Variants in NKAIN3 observed in about 807,000 individuals in gnomAD.
NKAIN3 encodes the protein sodium/potassium transporting ATPase interacting 3.
NKAIN3 carries 25 observed loss-of-function variants against 30.2 expected under a neutral mutation model. That is an observed-to-expected ratio of 0.83 (90% CI 0.60 to 1.16). The LOEUF (loss-of-function observed/expected upper bound fraction) is 1.16, where lower values mean the gene tolerates loss of function less well. Among genes scored for constraint, NKAIN3 ranks in the 50% most tolerant of loss-of-function variants. The pLI is 0.00. For missense variants in NKAIN3, 225 were observed against 254.1 expected (o/e 0.89, Z 0.78); for synonymous variants, 91 against 89.6 (o/e 1.02, Z -0.09).
At chr8:62,989,743 T>C (rs757394460), downstream of NKAIN3, among the ~76,000 whole-genome samples, 7 of 152,312 alleles carry the variant, frequency 4.6e-5, no homozygotes, top group East Asian at 3.9e-4. Context: ...TTATTGAACA[T>C]TTACTCTGTG....
intron 4 of NKAIN3, among the ~76,000 whole-genome samples, chr8:62,778,224 A>G (rs1817248780): frequency 6.6e-6 from 1 of 152,096 alleles, no homozygotes; most frequent in Admixed American, 6.5e-5. Flanking sequence ...AGTTCTCTTA[A>G]GGCACTAGAC....
intron 1 of NKAIN3, among the ~76,000 whole-genome samples, chr8:62,375,992 G>A (rs1242425816): frequency 6.6e-6 from 1 of 152,138 alleles, no homozygotes; most frequent in African/African-American, 2.4e-5. Flanking sequence ...TAGGTGCTGG[G>A]AAGACAAAGA....
intron 1 of NKAIN3, among the ~76,000 whole-genome samples, chr8:62,575,802 A>G (rs565418953): frequency 6.6e-6 from 1 of 152,294 alleles, no homozygotes; most frequent in African/African-American, 2.4e-5. Flanking sequence ...GAATCCAGAA[A>G]TAAACTTATA....
intron 4 of NKAIN3, among the ~76,000 whole-genome samples, chr8:62,756,047 T>C (rs1051933354): frequency 1.3e-5 from 2 of 152,222 alleles, no homozygotes; most frequent in Non-Finnish European, 2.9e-5. Flanking sequence ...TGCAGTATAC[T>C]CTCTTGGTGA....
chr8:62,764,185 G>C (rs1185147754), intron 4 of NKAIN3, among the ~76,000 whole-genome samples: 6 of 152,210 alleles, frequency 3.9e-5, no homozygotes, highest in Non-Finnish European at 7.3e-5. Context: ...GTCCAAGATG[G>C]TGATGTTCCT....
intron 1 of NKAIN3, among the ~76,000 whole-genome samples, chr8:62,403,096 A>T (rs541321299): frequency 2.3e-4 from 35 of 152,312 alleles, no homozygotes; most frequent in Non-Finnish European, 5.0e-4. Flanking sequence ...AACTGGAGTA[A>T]AAGTCACTCT....
intron 1 of NKAIN3, among the ~76,000 whole-genome samples, chr8:62,418,176 A>C (rs905673075): frequency 6.6e-6 from 1 of 152,100 alleles, no homozygotes; most frequent in South Asian, 2.1e-4. Context: ...GAGTCTTGGA[A>C]TCACCCATAA....
At chr8:62,848,795 G>A (rs914278952) in intron 4 of NKAIN3, among the ~76,000 whole-genome samples, 1 of 152,096 alleles carries the variant, frequency 6.6e-6, no homozygotes, top group Non-Finnish European at 1.5e-5. Flanking sequence ...TATGGACTGT[G>A]GGTTTGTCAT....
At chr8:62,506,049 T>G (rs1807624807) in intron 1 of NKAIN3, among the ~76,000 whole-genome samples, 1 of 152,118 alleles carries the variant, frequency 6.6e-6, no homozygotes, top group Non-Finnish European at 1.5e-5. Flanking sequence ...CATACTCACA[T>G]TTTCCTCTAA....
intron 4 of NKAIN3, among the ~76,000 whole-genome samples, chr8:62,847,566 AGAT>A (rs1819728475): frequency 6.6e-6 from 1 of 152,062 alleles, no homozygotes; most frequent in Admixed American, 6.6e-5. Flanking sequence ...AGTTCTTTAT[AGAT>A]GCTGGATATC....
At chr8:62,507,586 A>T (rs1188497612) in intron 1 of NKAIN3, among the ~76,000 whole-genome samples, 1 of 152,150 alleles carries the variant, frequency 6.6e-6, no homozygotes, top group South Asian at 2.1e-4. Context: ...TTATAATTAT[A>T]CTTTGTTAAT....
At chr8:62,808,920 G>A (rs987600824) in intron 4 of NKAIN3, among the ~76,000 whole-genome samples, 2 of 152,144 alleles carry the variant, frequency 1.3e-5, no homozygotes, top group Non-Finnish European at 2.9e-5. Context: ...AGGCCTGGGA[G>A]CGCTACGGGA....
chr8:62,276,364 C>T (rs547688410), intron 1 of NKAIN3, among the ~76,000 whole-genome samples: 2 of 152,234 alleles, frequency 1.3e-5, no homozygotes, highest in Admixed American at 1.3e-4. Context: ...CTGCGCCCAG[C>T]CTGATTTTGA....
chr8:62,804,028 T>A lies in NKAIN3; in HGVS notation c.471+56899T>A, dbSNP rs192851545. Among the ~76,000 whole-genome samples, 48 of 152,270 alleles carry A rather than the reference T, an allele frequency of 3.2e-4. 1 individual carries two copies. In the East Asian group the frequency reaches 7.5e-3, roughly 24 times the overall value. On this transcript the variant is annotated intron_variant, in intron 4 of 6. Transcript: ENST00000623646. ...AGAAAATCTAGCAGAAATGGATAAA[T>A]TCCTTGACACATACACCCTCCCAAG... is the stretch of plus-strand genomic sequence containing the variant.
intron 1 of NKAIN3, among the ~76,000 whole-genome samples, chr8:62,563,610 A>G (rs2129988149): frequency 6.6e-6 from 1 of 152,266 alleles, no homozygotes; most frequent in East Asian, 1.9e-4. Context: ...AGTTATGAGA[A>G]CCTCATTTCC....
chr8:62,465,479 C>T (rs1313030834), intron 1 of NKAIN3, among the ~76,000 whole-genome samples: 4 of 152,174 alleles, frequency 2.6e-5, no homozygotes, highest in East Asian at 1.9e-4. Flanking sequence ...AGTATTTTCC[C>T]GTCCATTCAG....
At chr8:62,251,041 A>G (rs1475585815) in intron 1 of NKAIN3, among the ~76,000 whole-genome samples, 1 of 152,200 alleles carries the variant, frequency 6.6e-6, no homozygotes, top group East Asian at 1.9e-4. Context: ...CTTAGAGCTC[A>G]TATTAGGAGC....
chr8:62,491,806 A>G (rs1807074367), intron 1 of NKAIN3, among the ~76,000 whole-genome samples: 1 of 152,034 alleles, frequency 6.6e-6, no homozygotes, highest in Non-Finnish European at 1.5e-5. Flanking sequence ...AAGGGAGAGT[A>G]TTGAGAATGG....
intron 1 of NKAIN3, among the ~76,000 whole-genome samples, chr8:62,304,387 G>A (rs1049217438): frequency 3.3e-5 from 5 of 150,282 alleles, no homozygotes; most frequent in South Asian, 2.1e-4. Flanking sequence ...GAGTTGCTTA[G>A]GACAAAGTAG....
Sources: allele counts gnomAD v4.1 joint callset (sites outside exome capture counted in the v4.1 genomes callset), GRCh38; gene constraint gnomAD v4.1.1; transcripts MANE v1.5; gene names NCBI Gene and HGNC (gene_info 2026-07-23, HGNC 2026-07-21).